OVCH1: variants seen among roughly 807,000 people sequenced by gnomAD.
OVCH1 encodes ovochymase-1.
Under a neutral mutation model 138.4 loss-of-function variants are expected in OVCH1, and 139 were observed. The observed-to-expected ratio is 1.00, with a 90% CI of 0.87 to 1.16. OVCH1 has a LOEUF of 1.16. OVCH1 is among the 50% of genes most tolerant of loss of function. The pLI, the probability that OVCH1 is intolerant of heterozygous loss-of-function variation, is 0.00. For synonymous variants in OVCH1, 453 were observed against 467.8 expected (o/e 0.97, Z 0.41); for missense variants, 1,367 against 1,357.9 (o/e 1.01, Z -0.11).
chr12:29,471,685 AAAG>A, intron 16 of OVCH1, 114 bp downstream of exon 16: 2 of 1,207,912 alleles, frequency 1.7e-6, no homozygotes, highest in South Asian at 1.7e-5. Context: ...AGAAACACTA[AAAG>A]AAGATTCTTG....
chr12:29,467,001 T>C (rs1942342365), intron 16 of OVCH1, among the ~76,000 whole-genome samples: 1 of 152,206 alleles, frequency 6.6e-6, no homozygotes, highest in African/African-American at 2.4e-5. Context: ...CATGCTCATT[T>C]CAATTCCTTG....
chr12:29,404,044 C>T, the OVCH1 span, among the ~76,000 whole-genome samples: 4 of 152,336 alleles, frequency 2.6e-5, no homozygotes, highest in East Asian at 7.7e-4. Context: ...CCAACCTCTG[C>T]AATGATAATG....
intron 14 of OVCH1, among the ~76,000 whole-genome samples, chr12:29,474,094 CACACACACACAT>C (rs1042328752): frequency 2.7e-5 from 4 of 150,536 alleles, no homozygotes; most frequent in African/African-American, 9.8e-5. Context: ...CACACACACA[CACACACACACAT>C]ATATATATCT....
chr12:29,484,783 TC>T (rs1417014468), intron 8 of OVCH1, among the ~76,000 whole-genome samples: 1 of 152,158 alleles, frequency 6.6e-6, no homozygotes, highest in Non-Finnish European at 1.5e-5. Context: ...AATAACACTG[TC>T]CCCTGAGGTT....
intron 27 of OVCH1, among the ~76,000 whole-genome samples, chr12:29,429,704 G>C (rs1359493382): frequency 6.6e-6 from 1 of 152,196 alleles, no homozygotes; most frequent in African/African-American, 2.4e-5. Context: ...TGAGTTAACT[G>C]TTAGGATAAT....
rs183654013 is a variant in OVCH1, at chr12:29,436,810, G to A, written c.3264+2518C>T. Among the ~76,000 whole-genome samples, 271 of 152,052 alleles carry A rather than the reference G, an allele frequency of 1.8e-3. 1 individual carries two copies. The highest frequency in any genetic ancestry group is 6.0e-3 in the African/African-American group (249 of 41,318). Reference sequence around the variant, plus strand: ...TTCAGGAGTGAAGCTGCAGACCCTCGTGGTGAGTGTTACAGCTCATAGAGG... The same window carrying A: ...TTCAGGAGTGAAGCTGCAGACCCTCATGGTGAGTGTTACAGCTCATAGAGG... On this transcript the variant is annotated intron_variant, in intron 26 of 27. Coordinates refer to ENST00000318184, the Ensembl canonical transcript of OVCH1.
At chr12:29,488,144 C>CT (rs79855984) in intron 6 of OVCH1, among the ~76,000 whole-genome samples, 2,698 of 148,908 alleles carry the variant, frequency 0.018, 115 homozygotes, top group East Asian at 0.18. Flanking sequence ...TCTTCCTCCT[C>CT]TTTTTTTTTT....
At chr12:29,487,130 T>C (rs968233697) in intron 7 of OVCH1, 1 of 223,846 alleles carries the variant, frequency 4.5e-6, no homozygotes, top group Admixed American at 5.3e-5. Context: ...CTTGTCATTT[T>C]AAAAAATGTG....
chr12:29,471,744 A>C, intron 16 of OVCH1, 58 bp downstream of exon 16: 5 of 1,506,202 alleles, frequency 3.3e-6, no homozygotes, highest in Non-Finnish European at 4.5e-6. Flanking sequence ...CTTGTGTCCT[A>C]GGCATTACTT....
chr12:29,466,540 A>T (rs924212890), intron 16 of OVCH1, among the ~76,000 whole-genome samples: 13 of 152,174 alleles, frequency 8.5e-5, no homozygotes, highest in African/African-American at 2.9e-4. Flanking sequence ...TCAGTTTAAA[A>T]ATTGGCAAAA....
chr12:29,410,262 CA>C, downstream of OVCH1, among the ~76,000 whole-genome samples: 1 of 144,988 alleles, frequency 6.9e-6, no homozygotes, highest in Non-Finnish European at 1.6e-5. Context: ...ACTCTTTATC[CA>C]ATTTGCCAGT....
downstream of OVCH1, among the ~76,000 whole-genome samples, chr12:29,411,511 T>C (rs2135868103): frequency 6.6e-6 from 1 of 152,092 alleles, no homozygotes; most frequent in East Asian, 2.0e-4. Context: ...TTGTTAGTTT[T>C]CCTTCTAACA....
chr12:29,495,259 T>G, intron 4 of OVCH1, 26 bp downstream of exon 4: 1 of 1,585,046 alleles, frequency 6.3e-7, no homozygotes, highest in South Asian at 1.1e-5. Context: ...CACTGCATTT[T>G]TAATATTCTA....
At chr12:29,479,854 C>T (rs1330402717) in intron 8 of OVCH1, among the ~76,000 whole-genome samples, 1 of 133,478 alleles carries the variant, frequency 7.5e-6, no homozygotes, top group Non-Finnish European at 1.6e-5. Flanking sequence ...GACTGAGTCT[C>T]ACTCTGTCAC....
intron 27 of OVCH1, among the ~76,000 whole-genome samples, chr12:29,429,430 C>T (rs1239903418): frequency 6.6e-6 from 1 of 152,194 alleles, no homozygotes; most frequent in East Asian, 1.9e-4. Context: ...TGAGAAATCA[C>T]TGACAACAAA....
At chr12:29,464,071 G>T (rs1306047472) in intron 18 of OVCH1, among the ~76,000 whole-genome samples, 1 of 152,168 alleles carries the variant, frequency 6.6e-6, no homozygotes, top group Non-Finnish European at 1.5e-5. Context: ...TTTTTAGGTG[G>T]TTGAAGAAAA....
chr12:29,470,479 T>A (rs1942466940), intron 16 of OVCH1, among the ~76,000 whole-genome samples: 1 of 152,196 alleles, frequency 6.6e-6, no homozygotes, highest in Non-Finnish European at 1.5e-5. Flanking sequence ...TTTGGTTTTC[T>A]GTTCCTGTGT....
intron 25 of OVCH1, among the ~76,000 whole-genome samples, chr12:29,441,324 CA>C (rs376792113): frequency 2.5e-4 from 38 of 152,268 alleles, no homozygotes; most frequent in African/African-American, 8.9e-4. Flanking sequence ...CACATATCTA[CA>C]ACTATCTGAT....
chr12:29,462,584 C>G (rs1942175332), intron 18 of OVCH1, among the ~76,000 whole-genome samples: 1 of 151,976 alleles, frequency 6.6e-6, no homozygotes, highest in Non-Finnish European at 1.5e-5. Flanking sequence ...CATGACTCAT[C>G]CTATCATTTT....
Sources: allele counts gnomAD v4.1 joint callset (sites outside exome capture counted in the v4.1 genomes callset), GRCh38; gene constraint gnomAD v4.1.1; transcripts MANE v1.5; gene names NCBI Gene and HGNC (gene_info 2026-07-23, HGNC 2026-07-21).